The following MTOR variants were observed in gnomAD, a reference collection of about 807,000 sequenced individuals.
The protein encoded by MTOR is mechanistic target of rapamycin kinase, also known as serine/threonine-protein kinase mTOR.
A neutral mutation model predicts 319.8 loss-of-function variants in MTOR; 70 were observed. The ratio of observed to expected loss-of-function variants is 0.22; its 90% CI spans 0.18 to 0.27. The LOEUF is 0.27. MTOR is among the 10% of genes least tolerant of loss of function. MTOR has a pLI of 1.00. For synonymous variants in MTOR, 1,183 were observed against 1,211.4 expected (o/e 0.98, Z 0.49); for missense variants, 1,890 against 3,274.4 (o/e 0.58, Z 10.32).
At chr1:11,222,755 A>AT (rs1302725823) in intron 19 of MTOR, among the ~76,000 whole-genome samples, 14 of 151,856 alleles carry the variant, frequency 9.2e-5, no homozygotes, top group African/African-American at 1.7e-4. Flanking sequence ...GGAAAAAAAC[A>AT]TTTTTTTTAA....
intron 11 of MTOR, among the ~76,000 whole-genome samples, chr1:11,239,292 T>C (rs1057357725): frequency 1.1e-4 from 16 of 152,336 alleles, no homozygotes; most frequent in African/African-American, 3.4e-4. Flanking sequence ...CCTCTTTTAG[T>C]TCCCGGATTT....
At chr1:11,134,269 G>C in intron 37 of MTOR, 82 bp downstream of exon 37, 7 of 1,261,050 alleles carry the variant, frequency 5.6e-6, no homozygotes, top group Non-Finnish European at 8.0e-6. Context: ...CACCCAAGAA[G>C]CCTTGAACTC....
chr1:11,197,098 G>T (rs1047738610), intron 28 of MTOR, among the ~76,000 whole-genome samples: 1 of 152,150 alleles, frequency 6.6e-6, no homozygotes, highest in Non-Finnish European at 1.5e-5. Flanking sequence ...GTTGGAGGTA[G>T]ACCAGGAATT....
At chr1:11,126,177 A>T (rs1570938211) in intron 46 of MTOR, among the ~76,000 whole-genome samples, 1 of 151,134 alleles carries the variant, frequency 6.6e-6, no homozygotes, top group East Asian at 1.9e-4. Context: ...AACAAATCTC[A>T]CTGTGAGAAT....
intron 36 of MTOR, among the ~76,000 whole-genome samples, chr1:11,137,918 C>A (rs1643505772): frequency 6.6e-6 from 1 of 152,318 alleles, no homozygotes; most frequent in Admixed American, 6.5e-5. Flanking sequence ...TGCTCAGTAG[C>A]ACAATTATTA....
Position 11,231,074 on chromosome 1 carries a change from G to A in MTOR, c.2650-20C>T, listed in dbSNP as rs142802161. 3.2e-4 allele frequency: 510 copies of A among 1,612,630 alleles called. No homozygotes were observed. In the African/African-American group the frequency reaches 6.1e-3, roughly 19 times the overall value. On this transcript the variant is annotated intron_variant, in intron 17 of 57. Transcript: ENST00000361445. ...GATGGCCTGCGTGGGAAAGGGGAGG[G>A]AAAAAAGAAAACATTCATCACAACA... is the stretch of plus-strand genomic sequence containing the variant.
Position 11,234,182 on chromosome 1 carries a change from G to A in MTOR, c.2292C>T (p.Ala764=). ...ARMLGHLVSN[A]PRLIRPYMEP... is the part of the protein sequence containing the mutation. ...CCATGTAGGGGCGGATGAGTCGGGGGGCATTGGAGACCAGGTGCCCCAGCA... is the reference window on the plus strand; with the variant it reads ...CCATGTAGGGGCGGATGAGTCGGGGAGCATTGGAGACCAGGTGCCCCAGCA... Residue 764 remains alanine, a synonymous_variant, in exon 14 of 58, where the codon GCC becomes GCT. Coordinates refer to ENST00000361445, the MANE Select transcript of MTOR (RefSeq NM_004958.4). 6.2e-7 allele frequency: 1 copy of A among 1,614,126 alleles called. No individual in the cohort carries two copies. Among genetic ancestry groups the A allele is most frequent in the African/African-American group, 1.3e-5 (1 of 75,020 alleles).
At chr1:11,176,258 G>C (rs1644989831) in intron 28 of MTOR, among the ~76,000 whole-genome samples, 1 of 152,192 alleles carries the variant, frequency 6.6e-6, no homozygotes, top group Non-Finnish European at 1.5e-5. Flanking sequence ...AACTTGACAT[G>C]GCAGTGCCTC....
At position 11,199,832 on chromosome 1, in the gene MTOR, T is replaced by C. The variant is rs1645902160; in HGVS notation, c.3945-129A>G. The stretch of plus-strand genomic sequence containing the variant: ...TACAAACCAGTGCTATACAGACCAG[T>C]GCTGTCCAAGAGAATTTTCCTGTCC... On this transcript the variant is annotated intron_variant, in intron 26 of 57. Transcript: ENST00000361445. This position sits in a 1 kb window ranked among gnomAD's most constrained non-coding sequence, Gnocchi z 4.5. 2.3e-6 allele frequency: 2 copies of C among 871,838 alleles called. No individual in the cohort carries two copies. The highest frequency in any genetic ancestry group is 3.5e-4 in the Middle Eastern group (1 of 2,862). 54.0% of individuals were successfully genotyped at this position (871,838 alleles called of 1,614,324 possible).
chr1:11,220,213 T>C (rs528753194), intron 19 of MTOR, among the ~76,000 whole-genome samples: 173 of 151,972 alleles, frequency 1.1e-3, no homozygotes, highest in African/African-American at 3.9e-3. Context: ...CATCTAGATA[T>C]ATAATAGTAA....
intron 26 of MTOR, 110 bp downstream of exon 26, chr1:11,204,451 T>C: frequency 7.2e-7 from 1 of 1,388,802 alleles, no homozygotes; most frequent in Non-Finnish European, 9.6e-7. Context: ...TCCCACAAAA[T>C]TAGAAAAATT....
chr1:11,194,195 T>C (rs987280162), intron 28 of MTOR, among the ~76,000 whole-genome samples: 7 of 152,172 alleles, frequency 4.6e-5, no homozygotes, highest in African/African-American at 1.4e-4. Context: ...AGCAAAAACA[T>C]AGCTGCACCT....
chr1:11,260,128 A>G (rs192625229), intron 1 of MTOR, among the ~76,000 whole-genome samples: 29 of 152,382 alleles, frequency 1.9e-4, no homozygotes, highest in African/African-American at 6.7e-4. Flanking sequence ...TACTATGTAC[A>G]TGGCAAAATG....
At position 11,168,118 on chromosome 1, in the gene MTOR, G is replaced by A. The variant is rs1644704887; in HGVS notation, c.4254-601C>T. 1.3e-5 allele frequency among the ~76,000 whole-genome samples: 2 copies of A among 151,490 alleles called. 1 individual carries two copies. The highest frequency in any genetic ancestry group is 4.1e-4 in the South Asian group (2 of 4,824). On this transcript the variant is annotated intron_variant, in intron 28 of 57. Coordinates refer to ENST00000361445, the MANE Select transcript of MTOR (RefSeq NM_004958.4). ...ACTGGTTTCCTCTCAGACGCCGGCAGGCAGGCAACATGTGTCTGTTTCTGA... is the reference window on the plus strand; with the variant it reads ...ACTGGTTTCCTCTCAGACGCCGGCAAGCAGGCAACATGTGTCTGTTTCTGA...
intron 6 of MTOR, among the ~76,000 whole-genome samples, chr1:11,249,497 T>C (rs1649310898): frequency 6.7e-6 from 1 of 149,288 alleles, no homozygotes; most frequent in African/African-American, 2.5e-5. Flanking sequence ...GGGACAATAG[T>C]GGAGGGAAGG....
intron 6 of MTOR, among the ~76,000 whole-genome samples, chr1:11,253,103 T>C (rs1001282355): frequency 2.0e-5 from 3 of 152,034 alleles, no homozygotes; most frequent in Admixed American, 6.6e-5. Flanking sequence ...CCCTGCAGAG[T>C]AGGCTAGAAC....
At chr1:11,246,439 C>T (rs1648832431) in intron 8 of MTOR, among the ~76,000 whole-genome samples, 1 of 152,214 alleles carries the variant, frequency 6.6e-6, no homozygotes, top group Admixed American at 6.5e-5. Context: ...GGGTGCCAGG[C>T]CAGAACAATA....
In MTOR at chr1:11,106,847, T is replaced by A; in HGVS notation, c.*638A>T. ...TCTGCTCAGCCGAGGCTGCCAGCGA[T>A]CTGAATAAACCTCCCTACTAGCGGT... On this transcript the variant is annotated 3_prime_UTR_variant, in exon 58 of 58. Transcript: ENST00000361445. The A allele has an allele frequency of 7.6e-7, 1 of 1,313,180 alleles. No individual in the cohort carries two copies. Among genetic ancestry groups the A allele is most frequent in the African/African-American group, 1.5e-5 (1 of 68,626 alleles). 81.3% of individuals were successfully genotyped at this position (1,313,180 alleles called of 1,614,324 possible).
chr1:11,161,035 C>A (rs1644462160), intron 29 of MTOR, among the ~76,000 whole-genome samples: 1 of 152,180 alleles, frequency 6.6e-6, no homozygotes, highest in African/African-American at 2.4e-5. Flanking sequence ...CCTTTCCTAG[C>A]CAAGGGAAGT....
Sources: allele counts gnomAD v4.1 joint callset (sites outside exome capture counted in the v4.1 genomes callset), GRCh38; gene constraint gnomAD v4.1.1; non-coding constraint Gnocchi (gnomAD v3.1); transcripts MANE v1.5; gene names NCBI Gene and HGNC (gene_info 2026-07-23, HGNC 2026-07-21).